RYR2: variants seen among roughly 807,000 people sequenced by gnomAD.
RYR2 encodes the protein ryanodine receptor 2.
In RYR2, 227 loss-of-function variants were observed where a neutral mutation model predicts 601.1. The ratio of observed to expected loss-of-function variants is 0.38; its 90% CI spans 0.34 to 0.42. RYR2 has a LOEUF of 0.42. Ranked by LOEUF, RYR2 falls within the 10% of genes least tolerant of loss-of-function variation. The pLI is 1.00. For missense variants in RYR2, 4,646 were observed against 6,156.5 expected (o/e 0.75, Z 8.21); for synonymous variants, 2,223 against 2,175.1 (o/e 1.02, Z -0.61).
At chr1:237,413,137 T>C (rs1572209416) in intron 10 of RYR2, among the ~76,000 whole-genome samples, 1 of 152,262 alleles carries the variant, frequency 6.6e-6, no homozygotes, top group Non-Finnish European at 1.5e-5. Context: ...TAGACAACCA[T>C]TGACGCTCTG....
chr1:237,284,121 G>A (rs1377451011), intron 2 of RYR2, among the ~76,000 whole-genome samples: 3 of 152,098 alleles, frequency 2.0e-5, no homozygotes, highest in African/African-American at 4.8e-5. Context: ...GGTGGCTCAC[G>A]CCTGTAATCC....
At chr1:237,575,986 C>T (rs1441593912) in intron 29 of RYR2, among the ~76,000 whole-genome samples, 1 of 152,068 alleles carries the variant, frequency 6.6e-6, no homozygotes, top group Non-Finnish European at 1.5e-5. Context: ...ATTAAAGATA[C>T]CATTTACAGT....
At chr1:237,514,240 T>C (rs187974193) in intron 24 of RYR2, among the ~76,000 whole-genome samples, 1 of 152,218 alleles carries the variant, frequency 6.6e-6, no homozygotes, top group African/African-American at 2.4e-5. Context: ...ATTTTAGCAA[T>C]TGACAGCTAA....
At chr1:237,053,653 G>T (rs936728349) in intron 1 of RYR2, among the ~76,000 whole-genome samples, 1 of 152,210 alleles carries the variant, frequency 6.6e-6, no homozygotes, top group Non-Finnish European at 1.5e-5. Context: ...TACGTGCCAT[G>T]CTTCTTGCTG....
At position 237,141,431 on chromosome 1, in the gene RYR2, A is replaced by G. The variant is rs553146573; in HGVS notation, c.48+98862A>G. ...GATCCAGTCCTCTGAGATCTTCCTA[A>G]TGAGGCGTCCCCCAAATTGCCTATC... On this transcript the variant is annotated intron_variant, in intron 1 of 104. Coordinates refer to ENST00000366574, the MANE Select transcript of RYR2 (RefSeq NM_001035.3). Among the ~76,000 whole-genome samples the G allele has an allele frequency of 9.2e-5, 14 of 152,230 alleles. No individual in the cohort carries two copies. In the South Asian group the frequency reaches 2.9e-3, roughly 32 times the overall value.
intron 100 of RYR2, among the ~76,000 whole-genome samples, chr1:237,811,339 A>G (rs1661230937): frequency 6.6e-6 from 1 of 152,110 alleles, no homozygotes; most frequent in Non-Finnish European, 1.5e-5. Context: ...TTATAGCCCA[A>G]ATCTCTTATT....
At chr1:237,171,765 T>C (rs2148908205) in intron 1 of RYR2, among the ~76,000 whole-genome samples, 1 of 152,306 alleles carries the variant, frequency 6.6e-6, no homozygotes, top group South Asian at 2.1e-4. Context: ...GTCTGCCTCA[T>C]TGCTTCCTAT....
chr1:237,811,831 G>A (rs1240588053), intron 100 of RYR2, among the ~76,000 whole-genome samples: 1 of 152,140 alleles, frequency 6.6e-6, no homozygotes, highest in African/African-American at 2.4e-5. Flanking sequence ...TGTTTCACAT[G>A]TGACTTTGTG....
At chr1:237,145,643 T>G (rs1437926734) in intron 1 of RYR2, among the ~76,000 whole-genome samples, 1 of 152,216 alleles carries the variant, frequency 6.6e-6, no homozygotes, top group Non-Finnish European at 1.5e-5. Flanking sequence ...TGTCTCAGTC[T>G]TGGTACATGT....
chr1:237,129,230 C>T (rs1671881055), intron 1 of RYR2, among the ~76,000 whole-genome samples: 1 of 152,168 alleles, frequency 6.6e-6, no homozygotes, highest in South Asian at 2.1e-4. Context: ...TTCCACGCAA[C>T]AGCTAGAGTT....
intron 24 of RYR2, among the ~76,000 whole-genome samples, chr1:237,526,912 GT>G (rs1245214640): frequency 6.6e-6 from 1 of 152,128 alleles, no homozygotes; most frequent in Non-Finnish European, 1.5e-5. Context: ...GTCCAGAAGA[GT>G]TTTTTCTAGG....
chr1:237,437,082 T>C (rs1041527091), intron 12 of RYR2, among the ~76,000 whole-genome samples: 5 of 151,954 alleles, frequency 3.3e-5, no homozygotes, highest in Admixed American at 6.6e-5. Context: ...TCTGGCTCTG[T>C]TGCCCAGGCT....
At chr1:237,281,634 C>T (rs1690879737) in intron 2 of RYR2, among the ~76,000 whole-genome samples, 1 of 152,222 alleles carries the variant, frequency 6.6e-6, no homozygotes, top group South Asian at 2.1e-4. Context: ...CTTCCTTCTG[C>T]TCTGCTGCAT....
chr1:237,800,292 CTCT>C (rs1203654967), intron 97 of RYR2, among the ~76,000 whole-genome samples: 1 of 152,028 alleles, frequency 6.6e-6, no homozygotes, highest in Non-Finnish European at 1.5e-5. Flanking sequence ...TTTCCCCCAA[CTCT>C]TCCTTTTTTC....
intron 24 of RYR2, among the ~76,000 whole-genome samples, chr1:237,521,431 C>A (rs2147861160): frequency 6.6e-6 from 1 of 152,210 alleles, no homozygotes; most frequent in South Asian, 2.1e-4. Context: ...TGGGGCCAGG[C>A]ACGGTGGGTC....
intron 56 of RYR2, among the ~76,000 whole-genome samples, chr1:237,663,150 CCA>C (rs1250868038): frequency 6.6e-6 from 1 of 152,142 alleles, no homozygotes; most frequent in Non-Finnish European, 1.5e-5. Flanking sequence ...TTATTTTCAC[CCA>C]AAGGTTCTTT....
intron 23 of RYR2, among the ~76,000 whole-genome samples, chr1:237,509,020 GC>G (rs1162151103): frequency 6.6e-6 from 1 of 152,062 alleles, no homozygotes; most frequent in Non-Finnish European, 1.5e-5. Context: ...GGGATTACAG[GC>G]GTGAGCCACC....
intron 34 of RYR2, among the ~76,000 whole-genome samples, chr1:237,596,958 GAA>G (rs1195711983): frequency 3.3e-5 from 5 of 152,216 alleles, no homozygotes; most frequent in African/African-American, 1.2e-4. Context: ...AGCAAAAGCA[GAA>G]TGAATTCACC....
At chr1:237,812,389 T>C (rs1661345497) in intron 100 of RYR2, among the ~76,000 whole-genome samples, 1 of 152,162 alleles carries the variant, frequency 6.6e-6, no homozygotes, top group Admixed American at 6.5e-5. Flanking sequence ...AGCTCGTTCT[T>C]TTTTCTGGGA....
Sources: allele counts gnomAD v4.1 joint callset (sites outside exome capture counted in the v4.1 genomes callset), GRCh38; gene constraint gnomAD v4.1.1; transcripts MANE v1.5; gene names NCBI Gene and HGNC (gene_info 2026-07-23, HGNC 2026-07-21).